Variants in SND1 observed in about 807,000 individuals in gnomAD.
SND1 encodes staphylococcal nuclease and tudor domain containing 1.
Under a neutral mutation model 121.7 loss-of-function variants are expected in SND1, and 38 were observed. That is an observed-to-expected ratio of 0.31 (90% CI 0.24 to 0.41). The LOEUF is 0.41. Among genes scored for constraint, SND1 ranks in the 10% least tolerant of loss-of-function variants. SND1 has a pLI of 1.00. For synonymous variants in SND1, 401 were observed against 447.4 expected (o/e 0.90, Z 1.31); for missense variants, 868 against 1,184.6 (o/e 0.73, Z 3.92).
intron 16 of SND1, among the ~76,000 whole-genome samples, chr7:128,060,187 C>A (rs1298800457): frequency 6.6e-6 from 1 of 152,162 alleles, no homozygotes; most frequent in African/African-American, 2.4e-5. Context: ...ATGAACAGAT[C>A]TCCTTCTAAG....
chr7:127,955,725 C>T (rs1801577478), intron 15 of SND1, among the ~76,000 whole-genome samples: 1 of 152,174 alleles, frequency 6.6e-6, no homozygotes, highest in African/African-American at 2.4e-5. Flanking sequence ...AGGATTCTGT[C>T]TCCTAACCAG....
At chr7:127,912,840 T>A (rs982969920) in intron 14 of SND1, among the ~76,000 whole-genome samples, 1 of 152,190 alleles carries the variant, frequency 6.6e-6, no homozygotes, top group Non-Finnish European at 1.5e-5. Flanking sequence ...TTGCCTCCTC[T>A]GTACCTGGAA....
chr7:128,086,788 C>T, intron 20 of SND1, 150 bp from the exon 21 acceptor site: 1 of 701,100 alleles, frequency 1.4e-6, no homozygotes, highest in South Asian at 1.6e-5. Flanking sequence ...ACTGGGGAGC[C>T]TTTGTACATT....
chr7:127,927,871 G>T (rs1179513786), intron 14 of SND1, among the ~76,000 whole-genome samples: 7 of 152,186 alleles, frequency 4.6e-5, no homozygotes, highest in Non-Finnish European at 7.3e-5. Context: ...AAAAGGAAAA[G>T]CTTGGCTGGG....
At chr7:127,808,345 G>A (rs1457597398) in intron 11 of SND1, among the ~76,000 whole-genome samples, 1 of 151,620 alleles carries the variant, frequency 6.6e-6, no homozygotes, top group East Asian at 1.9e-4. Flanking sequence ...GTATTTTTTT[G>A]GTCGAGACGG....
intron 10 of SND1, among the ~76,000 whole-genome samples, chr7:127,757,191 G>A (rs1435986069): frequency 6.6e-6 from 1 of 152,060 alleles, no homozygotes; most frequent in Non-Finnish European, 1.5e-5. Context: ...CATACAGTAG[G>A]CAGCCTTTAA....
At chr7:128,025,175 C>A (rs1803446579) in intron 16 of SND1, among the ~76,000 whole-genome samples, 1 of 152,176 alleles carries the variant, frequency 6.6e-6, no homozygotes, top group African/African-American at 2.4e-5. Flanking sequence ...ATAGCCAGTT[C>A]TAAAGAGAGT....
At chr7:128,086,819 G>A in intron 20 of SND1, 119 bp from the exon 21 acceptor site, 1 of 808,966 alleles carries the variant, frequency 1.2e-6, no homozygotes, top group South Asian at 1.4e-5. Context: ...ACCAAGTCAT[G>A]GGATGAACAG....
chr7:127,972,254 C>T (rs746528943), intron 15 of SND1, among the ~76,000 whole-genome samples: 75 of 151,838 alleles, frequency 4.9e-4, no homozygotes, highest in Non-Finnish European at 9.4e-4. Context: ...TTGCAGGGGG[C>T]GGTGAGGGGG....
chr7:127,766,575 A>G (rs938758924), intron 10 of SND1, among the ~76,000 whole-genome samples: 1 of 151,870 alleles, frequency 6.6e-6, no homozygotes, highest in African/African-American at 2.4e-5. Flanking sequence ...GGAGATCAAG[A>G]CCATCCTGGC....
At chr7:127,807,996 T>A (rs1798266425) in intron 11 of SND1, among the ~76,000 whole-genome samples, 1 of 152,098 alleles carries the variant, frequency 6.6e-6, no homozygotes, top group African/African-American at 2.4e-5. Context: ...GAAGAGGGGA[T>A]GACCTGGACT....
At chr7:127,898,180 G>C (rs1294397760) in intron 13 of SND1, among the ~76,000 whole-genome samples, 2 of 152,042 alleles carry the variant, frequency 1.3e-5, no homozygotes, top group Non-Finnish European at 2.9e-5. Flanking sequence ...ACAATAGCAT[G>C]TATCTTCATT....
intron 15 of SND1, 90 bp downstream of exon 15, chr7:127,929,419 C>T (rs1185907391): frequency 7.8e-7 from 1 of 1,287,928 alleles, no homozygotes; most frequent in South Asian, 1.3e-5. Flanking sequence ...CTAGATAGGC[C>T]CTAGAGCCCA....
Position 127,760,421 on chromosome 7 carries a change from T to C in SND1, c.1152+39021T>C, listed in dbSNP as rs2043980. ...GCTTGGTAAATGAAGTTGAATAAGATAACACATAGAAGACATTTAACAAAC... is the reference window on the plus strand; with the variant it reads ...GCTTGGTAAATGAAGTTGAATAAGACAACACATAGAAGACATTTAACAAAC... On this transcript the variant is annotated intron_variant, in intron 10 of 23. Transcript: ENST00000354725. Among the ~76,000 whole-genome samples, 640 of 152,318 alleles carry C rather than the reference T, an allele frequency of 4.2e-3. 7 individuals carry two copies. Among genetic ancestry groups the C allele is most frequent in the African/African-American group, 0.015 (615 of 41,560 alleles).
At chr7:128,040,384 G>A (rs1455661116) in intron 16 of SND1, among the ~76,000 whole-genome samples, 1 of 126,614 alleles carries the variant, frequency 7.9e-6, no homozygotes, top group East Asian at 2.5e-4. Context: ...AGTGACCTGA[G>A]ATCGCACCAC....
In SND1 at chr7:128,068,693, C is replaced by T. The variant is rs564482572; in HGVS notation, c.1780-5809C>T. Among the ~76,000 whole-genome samples, 4 of 152,320 alleles carry T rather than the reference C, an allele frequency of 2.6e-5. No homozygotes were observed. In the East Asian group the frequency reaches 7.7e-4, roughly 29 times the overall value. The stretch of plus-strand genomic sequence containing the variant: ...TCAGCCACGGAGCTGGGGGCTGCTC[C>T]ATGCTCTTCTTTTCTCCTCCCCCTT... On this transcript the variant is annotated intron_variant, in intron 16 of 23. Coordinates refer to ENST00000354725, the MANE Select transcript of SND1 (RefSeq NM_014390.4).
chr7:127,696,303 A>T (rs1224135804), intron 3 of SND1, among the ~76,000 whole-genome samples: 2 of 152,182 alleles, frequency 1.3e-5, no homozygotes, highest in Admixed American at 1.3e-4. Flanking sequence ...TCGATTTCCT[A>T]CCTAGTAGAG....
chr7:127,830,260 G>A (rs1000094576), intron 11 of SND1, among the ~76,000 whole-genome samples: 83 of 152,038 alleles, frequency 5.5e-4, no homozygotes, highest in Admixed American at 1.3e-4. Flanking sequence ...GTGGGCGCCT[G>A]TAGTCCCAGC....
At chr7:127,687,806 C>T (rs1159408589) in intron 2 of SND1, among the ~76,000 whole-genome samples, 1 of 152,152 alleles carries the variant, frequency 6.6e-6, no homozygotes, top group Non-Finnish European at 1.5e-5. Context: ...ACCTCAGCCT[C>T]CTGGGAGTAG....
Sources: allele counts gnomAD v4.1 joint callset (sites outside exome capture counted in the v4.1 genomes callset), GRCh38; gene constraint gnomAD v4.1.1; transcripts MANE v1.5; gene names NCBI Gene and HGNC (gene_info 2026-07-23, HGNC 2026-07-21).